The following CR2 variants were observed in gnomAD, a reference collection of about 807,000 sequenced individuals.
The protein encoded by CR2 is complement receptor type 2.
In CR2, 96 loss-of-function variants were observed where a neutral mutation model predicts 123.0. The observed-to-expected ratio is 0.78, with a 90% CI of 0.66 to 0.93. The LOEUF (loss-of-function observed/expected upper bound fraction) is 0.93, where lower values mean the gene tolerates loss of function less well. CR2 is among the 40% of genes least tolerant of loss of function. The probability of loss-of-function intolerance (pLI) is 0.00; values close to 1 mark genes in which losing one functional copy is unlikely to be tolerated. For synonymous variants in CR2, 484 were observed against 469.5 expected, an observed-to-expected ratio of 1.03 and a Z score of -0.40; for missense variants, 1,258 against 1,361.0, an observed-to-expected ratio of 0.92 and a Z score of 1.19.
At position 207,489,780 on chromosome 1, in the gene CR2, A is replaced by C. The variant is rs756288323; in HGVS notation, c.*657A>C. On this transcript the variant is annotated 3_prime_UTR_variant, in exon 20 of 20. Coordinates refer to ENST00000367057, the MANE Select transcript of CR2 (RefSeq NM_001006658.3). ...ATCCTAGAGATTTGGTGTACAATTC[A>C]GGCTTTGGATGTTTCTTTAGCAGTT... is the stretch of plus-strand genomic sequence containing the variant. 4.6e-5 allele frequency: 7 copies of C among 152,192 alleles called. No individual in the cohort carries two copies. Among genetic ancestry groups the C allele is most frequent in the Non-Finnish European group, 1.0e-4 (7 of 68,026 alleles). The allele number at this position is 152,192 out of a possible 1,614,324, so 9.4% of individuals were successfully genotyped here.
At chr1:207,461,118 G>GT (rs200867622) in intron 1 of CR2, among the ~76,000 whole-genome samples, 2 of 151,990 alleles carry the variant, frequency 1.3e-5, no homozygotes, top group Non-Finnish European at 2.9e-5. Context: ...GTTATGTGCA[G>GT]TTTTTTTGTG....
At chr1:207,468,467 T>C in intron 2 of CR2, 60 bp from the exon 3 acceptor site, 1 of 1,569,062 alleles carries the variant, frequency 6.4e-7, no homozygotes, top group Non-Finnish European at 8.8e-7. Flanking sequence ...CCCCCTTGAT[T>C]CTAGATTGTG....
chr1:207,468,742 A>T, intron 3 of CR2, 27 bp downstream of exon 3: 1 of 1,613,936 alleles, frequency 6.2e-7, no homozygotes, highest in Non-Finnish European at 8.5e-7. Flanking sequence ...ATCTATTTTA[A>T]GAATCTGGGC....
chr1:207,457,796 C>G (rs144390732), intron 1 of CR2, among the ~76,000 whole-genome samples: 1 of 152,170 alleles, frequency 6.6e-6, no homozygotes, highest in African/African-American at 2.4e-5. Context: ...TTTGTTCTAT[C>G]TCTAAATATT....
At chr1:207,459,762 AGAAAATTT>A (rs1427973982) in intron 1 of CR2, among the ~76,000 whole-genome samples, 3 of 152,182 alleles carry the variant, frequency 2.0e-5, no homozygotes, top group Admixed American at 6.5e-5. Flanking sequence ...GTGACCCTCA[AGAAAATTT>A]GTATTACTTG....
Position 207,476,223 on chromosome 1 carries a change from T to C in CR2, c.2717-11T>C, listed in dbSNP as rs1354330604. ...TGCTGAGTTAAAGACCCTTTCTTAT[T>C]GGTGTCTAAGCCTTCATAGGGTGTC... On this transcript the variant is annotated splice_polypyrimidine_tract_variant and intron_variant, in intron 14 of 19. Coordinates refer to ENST00000367057, the MANE Select transcript of CR2 (RefSeq NM_001006658.3). 6.8e-6 allele frequency: 11 copies of C among 1,613,180 alleles called. No individual in the cohort carries two copies. The East Asian group carries it at 2.5e-4, about 36-fold the overall frequency.
In CR2 at chr1:207,474,867, C is replaced by T. The variant is rs765828065; in HGVS notation, c.2367C>T (p.His789=). ...HPPPVIVNGK[H]TGMMAENFLY... ...CACCAGTGATTGTCAATGGGAAGCACACAGGCATGATGGCAGAAAACTTTC... is the reference window on the plus strand; with the variant it reads ...CACCAGTGATTGTCAATGGGAAGCATACAGGCATGATGGCAGAAAACTTTC... The change falls in exon 14 of 20, where the codon CAC becomes CAT. Residue 789 remains histidine, a synonymous_variant. Coordinates refer to ENST00000367057, the MANE Select transcript of CR2 (RefSeq NM_001006658.3). 3.7e-6 allele frequency: 6 copies of T among 1,613,912 alleles called. No homozygotes were observed. The African/African-American group carries it at 6.7e-5, about 18-fold the overall frequency.
intron 18 of CR2, among the ~76,000 whole-genome samples, chr1:207,481,511 T>G (rs1481160544): frequency 6.6e-6 from 1 of 152,152 alleles, no homozygotes; most frequent in Admixed American, 6.5e-5. Context: ...TATTTATTTT[T>G]GCAGATAGGC....
rs530958801 is a variant in CR2 at position 207,462,395 on chromosome 1, T to C, written c.59-4131T>C. ...AGCATAAGTGTGCAAGAACATGATG[T>C]CTCTGGAAAAAATCAGTGTTGTTGG... On this transcript the variant is annotated intron_variant, in intron 1 of 19. Transcript: ENST00000367057. Among the ~76,000 whole-genome samples, 12 of 152,280 alleles carry C rather than the reference T, an allele frequency of 7.9e-5. No individual in the cohort carries two copies. In the South Asian group the frequency reaches 2.5e-3, roughly 32 times the overall value.
rs200899638 is a variant in CR2, at chr1:207,476,448, T to G, written c.2902+29T>G. On this transcript the variant is annotated intron_variant, in intron 15 of 19. Transcript: ENST00000367057. Reference sequence around the variant, plus strand: ...CTTTGTCTATTTTTTATTCTTATTTTTATATCAAATTTGTGCCAAATAGAT... The same window carrying G: ...CTTTGTCTATTTTTTATTCTTATTTGTATATCAAATTTGTGCCAAATAGAT... 1,756 of 1,591,250 alleles carry G rather than the reference T, an allele frequency of 1.1e-3. 1 individual carries two copies. The highest frequency in any genetic ancestry group is 1.4e-3 in the Non-Finnish European group (1,588 of 1,167,622).
At chr1:207,471,379 A>C (rs753721175) in intron 8 of CR2, 44 bp from the exon 9 acceptor site, 3 of 1,457,070 alleles carry the variant, frequency 2.1e-6, no homozygotes, top group Non-Finnish European at 1.9e-6. Flanking sequence ...GCCTAACTTA[A>C]TGGTCACCTG....
intron 18 of CR2, among the ~76,000 whole-genome samples, chr1:207,482,113 C>G (rs1254211897): frequency 6.6e-6 from 1 of 151,882 alleles, no homozygotes; most frequent in African/African-American, 2.4e-5. Context: ...ATACTGCATC[C>G]TTTTTTCTTT....
chr1:207,479,976 A>G lies in CR2; in HGVS notation c.3113-2A>G. ...TTGATACTTGCTGGATTTTTCTTCT[A>G]GGTATTGCTGCAGGTTTGATACTTC... On this transcript the variant is annotated splice_acceptor_variant, in intron 17 of 19. Coordinates refer to ENST00000367057, the MANE Select transcript of CR2 (RefSeq NM_001006658.3). LOFTEE classifies it high-confidence loss of function. 6.2e-7 allele frequency: 1 copy of G among 1,610,864 alleles called. No individual in the cohort carries two copies. Among genetic ancestry groups the G allele is most frequent in the Non-Finnish European group, 8.5e-7 (1 of 1,177,256 alleles).
At position 207,466,650 on chromosome 1, in the gene CR2, A is replaced by G; in HGVS notation, c.183A>G (p.Lys61=). ...CSGTFRLIGE[K]SLLCITKDKV... ...GTACCTTCCGCCTCATTGGAGAAAA[A>G]AGTCTATTATGCATAACTAAAGACA... Residue 61 remains lysine (K), a synonymous_variant, in exon 2 of 20, where the codon AAA becomes AAG. Transcript: ENST00000367057. 6.2e-7 allele frequency: 1 copy of G among 1,614,116 alleles called. No individual in the cohort carries two copies.
intron 16 of CR2, 109 bp from the exon 17 acceptor site, chr1:207,479,148 G>C (rs1038761027): frequency 1.1e-5 from 10 of 873,448 alleles, no homozygotes; most frequent in Non-Finnish European, 1.8e-5. Context: ...AAATCGACTT[G>C]GAAGGGAGCT....
chr1:207,471,030 T>C lies in CR2; in HGVS notation c.1436T>C (p.Leu479Ser). 6.2e-7 allele frequency: 1 copy of C among 1,613,814 alleles called. No individual in the cohort carries two copies. Among genetic ancestry groups the C allele is most frequent in the Non-Finnish European group, 8.5e-7 (1 of 1,179,828 alleles). Residue 479 changes from leucine (L) to serine (S), a missense_variant, in exon 8 of 20, where the codon TTG (leucine) becomes TCG (serine). By Grantham distance (145) the Leu-to-Ser change is moderately radical. Transcript: ENST00000367057. Reference protein sequence around the residue: ...AACEATGRQLLTKPQHQFVRP... With the variant: ...AACEATGRQLSTKPQHQFVRP... Reference sequence around the variant, plus strand: ...TGTGAAGCTACAGGAAGGCAACTCTTGACAAAACCCCAGCACCAATTTGTT... The same window carrying C: ...TGTGAAGCTACAGGAAGGCAACTCTCGACAAAACCCCAGCACCAATTTGTT...
At chr1:207,480,098 G>A in intron 18 of CR2, 45 bp downstream of exon 18, 2 of 1,430,116 alleles carry the variant, frequency 1.4e-6, no homozygotes, top group Non-Finnish European at 2.0e-6. Flanking sequence ...TGCACAAGTG[G>A]TTTCGGCTTC....
At position 207,469,248 on chromosome 1, in the gene CR2, A is replaced by G. The variant is rs113013210; in HGVS notation, c.817+16A>G. On this transcript the variant is annotated intron_variant, in intron 5 of 19. Transcript: ENST00000367057. ...GTATGTGAAGGTAGGCTAGGCAACTATGGTCTGACAGCACTGCATTCTCAG... is the reference window on the plus strand; with the variant it reads ...GTATGTGAAGGTAGGCTAGGCAACTGTGGTCTGACAGCACTGCATTCTCAG... The G allele has an allele frequency of 1.1e-4, 181 of 1,597,060 alleles. No individual in the cohort carries two copies. The highest frequency in any genetic ancestry group is 1.7e-4 in the Middle Eastern group (1 of 6,030).
chr1:207,466,039 A>G lies in CR2; in HGVS notation c.59-487A>G, dbSNP rs115281878. On this transcript the variant is annotated intron_variant, in intron 1 of 19. Coordinates refer to ENST00000367057, the MANE Select transcript of CR2 (RefSeq NM_001006658.3). ...GTACTTTTAGCACTGGATTCTCACTATACCTTATGAAGTAGTTTGCGTTAT... is the reference window on the plus strand; with the variant it reads ...GTACTTTTAGCACTGGATTCTCACTGTACCTTATGAAGTAGTTTGCGTTAT... Among the ~76,000 whole-genome samples the G allele has an allele frequency of 7.2e-3, 1,101 of 152,328 alleles. 14 individuals are homozygous for G. Among genetic ancestry groups the G allele is most frequent in the African/African-American group, 0.025 (1,042 of 41,562 alleles).
Sources: gnomAD v4.1 joint callset for allele counts (sites outside exome capture counted in the v4.1 genomes callset) on GRCh38, gnomAD v4.1.1 for gene constraint, MANE v1.5 for transcripts, NCBI Gene and HGNC (gene_info 2026-07-23, HGNC 2026-07-21) for gene names.